The following SLC29A2 variants were observed in gnomAD, a reference collection of about 807,000 sequenced individuals.
SLC29A2 encodes the protein solute carrier family 29 member 2, also known as equilibrative nucleoside transporter 2.
Under a neutral mutation model 48.8 loss-of-function variants are expected in SLC29A2, and 37 were observed. That is an observed-to-expected ratio of 0.76 (90% CI 0.58 to 1.00). SLC29A2 has a LOEUF of 1.00. Ranked by LOEUF, SLC29A2 falls within the 50% of genes least tolerant of loss-of-function variation. The pLI, the probability that SLC29A2 is intolerant of heterozygous loss-of-function variation, is 0.00. For synonymous variants in SLC29A2, 233 were observed against 261.7 expected, an observed-to-expected ratio of 0.89 and a Z score of 1.06; for missense variants, 533 against 578.6, an observed-to-expected ratio of 0.92 and a Z score of 0.81.
In SLC29A2 at chr11:66,364,408, C is replaced by T. The variant is rs375170903; in HGVS notation, c.1076G>A (p.Arg359Gln). ...CAGGCAGACCAGCAGGGGCAGCAGC[C>T]GGCTGTCCTCGTCTGGCTGTGGTAG... ...SYFLWPDEDSRLLPLLVCLRF... is the reference protein window; with the variant it reads ...SYFLWPDEDSQLLPLLVCLRF... The change falls in exon 11 of 12, where the codon CGG becomes CAG. Residue 359 changes from arginine (R) to glutamine (Q), a missense_variant. By Grantham distance (43) the Arg-to-Gln change is conservative. Transcript: ENST00000357440. The T allele has an allele frequency of 3.9e-5, 63 of 1,611,386 alleles. No homozygotes were observed. Among genetic ancestry groups the T allele is most frequent in the Non-Finnish European group, 3.1e-5 (37 of 1,179,060 alleles).
At chr11:66,367,082 G>A (rs1034235994) in intron 7 of SLC29A2, among the ~76,000 whole-genome samples, 1 of 152,184 alleles carries the variant, frequency 6.6e-6, no homozygotes, top group African/African-American at 2.4e-5. Flanking sequence ...GGTGATGAGC[G>A]AAGCACCTTA....
chr11:66,365,857 T>C, intron 10 of SLC29A2, 79 bp downstream of exon 10: 1 of 1,371,930 alleles, frequency 7.3e-7, no homozygotes, highest in East Asian at 2.3e-5. Context: ...TACCAGAAAA[T>C]CACCTCCATG....
intron 4 of SLC29A2, 41 bp from the exon 5 acceptor site, chr11:66,368,712 A>C: frequency 1.3e-6 from 2 of 1,575,874 alleles, no homozygotes; most frequent in Non-Finnish European, 1.7e-6. Flanking sequence ...CAACTAGGCA[A>C]GACTCAGAGG....
chr11:66,371,363 C>T (rs757300186), intron 1 of SLC29A2, 38 bp from the exon 2 acceptor site: 2 of 1,601,232 alleles, frequency 1.2e-6, no homozygotes, highest in African/African-American at 2.7e-5. Context: ...CGAGGACGCA[C>T]CCGCCTCCGC....
intron 11 of SLC29A2, 78 bp from the exon 12 acceptor site, chr11:66,363,625 C>G (rs1349826253): frequency 1.9e-6 from 2 of 1,075,800 alleles, no homozygotes; most frequent in Admixed American, 4.0e-5. Flanking sequence ...CTCTGCCCAT[C>G]CAGTCTGGGC....
intron 4 of SLC29A2, 61 bp from the exon 5 acceptor site, chr11:66,368,732 G>C: frequency 6.4e-7 from 1 of 1,558,604 alleles, no homozygotes; most frequent in South Asian, 1.2e-5. Flanking sequence ...GCTCCCTGGA[G>C]GAGGTGCCGG....
intron 10 of SLC29A2, 145 bp downstream of exon 10, chr11:66,365,791 G>T: frequency 1.3e-6 from 1 of 791,676 alleles, no homozygotes; most frequent in East Asian, 2.6e-5. Context: ...CACGCCTCCA[G>T]GGCCCAAGTG....
At chr11:66,372,417 G>A (rs1212760304), upstream of SLC29A2, among the ~76,000 whole-genome samples, 2 of 152,246 alleles carry the variant, frequency 1.3e-5, no homozygotes, top group African/African-American at 4.8e-5. Flanking sequence ...CGGGGACGCT[G>A]GAGAAGTGAG....
At chr11:66,364,551 T>C in intron 10 of SLC29A2, 127 bp from the exon 11 acceptor site, 1 of 680,154 alleles carries the variant, frequency 1.5e-6, no homozygotes, top group South Asian at 1.9e-5. Context: ...TTGCCCAGGC[T>C]GGAGTGCAGT....
rs542692645 is a variant in SLC29A2 at position 66,363,388 on chromosome 11, G to A, written c.*48C>T. On this transcript the variant is annotated 3_prime_UTR_variant, in exon 12 of 12. Transcript: ENST00000357440. ...TCGCCCTGGGCTGGATCTCAGCTCCGGAAGGAGACGTCGAGAAGAGGCTGC... is the reference window on the plus strand; with the variant it reads ...TCGCCCTGGGCTGGATCTCAGCTCCAGAAGGAGACGTCGAGAAGAGGCTGC... 13 of 1,453,236 alleles carry A rather than the reference G, an allele frequency of 8.9e-6. No homozygotes were observed. Among genetic ancestry groups the A allele is most frequent in the African/African-American group, 8.4e-5 (6 of 71,824 alleles). 90.0% of individuals were successfully genotyped at this position (1,453,236 alleles called of 1,614,324 possible).
intron 2 of SLC29A2, among the ~76,000 whole-genome samples, 154 bp downstream of exon 2, chr11:66,371,090 G>C (rs774929714): frequency 5.8e-4 from 88 of 152,108 alleles, no homozygotes; most frequent in Non-Finnish European, 1.1e-3. Flanking sequence ...TAGCCACGGG[G>C]GAAGCATTCC....
chr11:66,364,505 T>A (rs1590646692), intron 10 of SLC29A2, 81 bp from the exon 11 acceptor site: 20 of 54,388 alleles, frequency 3.7e-4, no homozygotes, highest in Non-Finnish European at 5.7e-4. Flanking sequence ...ATAGAGTACT[T>A]TTTTTTTTTT....
At chr11:66,370,642 G>T (rs1215082223) in intron 2 of SLC29A2, among the ~76,000 whole-genome samples, 6 of 152,104 alleles carry the variant, frequency 3.9e-5, no homozygotes, top group Admixed American at 2.0e-4. Flanking sequence ...AGGATCACGA[G>T]GTCAGGAGAT....
rs1476534744 is a variant in SLC29A2 at position 66,371,572 on chromosome 11, G to A, written c.20C>T (p.Pro7Leu). Reference protein sequence around the residue: MARGDAPRDSYHLVGIS... With the variant: MARGDALRDSYHLVGIS... ...ACCCGGGCCCACTCACCTGTCCCGCGGGGCGTCTCCTCGCGCCATGGCCGC... is the reference window on the plus strand; with the variant it reads ...ACCCGGGCCCACTCACCTGTCCCGCAGGGCGTCTCCTCGCGCCATGGCCGC... Residue 7 changes from proline to leucine, a missense_variant, in exon 1 of 12, where the codon CCG (proline) becomes CTG (leucine). By Grantham distance (98) the Pro-to-Leu change is moderately conservative. Transcript: ENST00000357440. 4.5e-6 allele frequency: 7 copies of A among 1,550,398 alleles called. No individual in the cohort carries two copies. Among genetic ancestry groups the A allele is most frequent in the Non-Finnish European group, 6.1e-6 (7 of 1,148,878 alleles).
chr11:66,367,686 C>A, intron 6 of SLC29A2, 86 bp downstream of exon 6: 1 of 1,486,236 alleles, frequency 6.7e-7, no homozygotes, highest in Non-Finnish European at 9.4e-7. Context: ...TCTCCTCCAC[C>A]TCCCCTGGCC....
At chr11:66,368,447 C>T in intron 5 of SLC29A2, 90 bp downstream of exon 5, 1 of 1,554,018 alleles carries the variant, frequency 6.4e-7, no homozygotes. Context: ...CATCTTCACC[C>T]AGAACCCATG....
At chr11:66,367,435 C>T (rs1173587779) in intron 7 of SLC29A2, 29 bp downstream of exon 7, 17 of 1,602,566 alleles carry the variant, frequency 1.1e-5, no homozygotes, top group Non-Finnish European at 1.3e-5. Flanking sequence ...CTGCATCTCC[C>T]ACCTCCCCAG....
Position 66,368,216 on chromosome 11 carries a change from G to A in SLC29A2, c.550+321C>T, listed in dbSNP as rs968694135. Among the ~76,000 whole-genome samples, 7 of 152,242 alleles carry A rather than the reference G, an allele frequency of 4.6e-5. No homozygotes were observed. In the South Asian group the frequency reaches 6.2e-4, roughly 14 times the overall value. On this transcript the variant is annotated intron_variant, in intron 5 of 11. Coordinates refer to ENST00000357440, the MANE Select transcript of SLC29A2 (RefSeq NM_001532.3). ...TGTCCAACACCCCTAGCTGGTAAGC[G>A]GTGAAGCAGATTCAAACCCAAGACT... is the stretch of plus-strand genomic sequence containing the variant.
chr11:66,367,425 C>T (rs746379498), intron 7 of SLC29A2, 39 bp downstream of exon 7: 6 of 1,573,696 alleles, frequency 3.8e-6, no homozygotes, highest in Non-Finnish European at 4.4e-6. Flanking sequence ...CTAGCTTCCT[C>T]TGCATCTCCC....
Sources: gnomAD v4.1 joint callset for allele counts (sites outside exome capture counted in the v4.1 genomes callset) on GRCh38, gnomAD v4.1.1 for gene constraint, MANE v1.5 for transcripts, NCBI Gene and HGNC (gene_info 2026-07-23, HGNC 2026-07-21) for gene names.